The following PACS2 variants were observed in gnomAD, a reference collection of about 807,000 sequenced individuals.
The protein encoded by PACS2 is phosphofurin acidic cluster sorting protein 2.
A neutral mutation model predicts 113.0 loss-of-function variants in PACS2; 36 were observed. That is an observed-to-expected ratio of 0.32 (90% CI 0.24 to 0.42). PACS2 has a LOEUF of 0.42. Ranked by LOEUF, PACS2 falls within the 10% of genes least tolerant of loss-of-function variation. The probability of loss-of-function intolerance (pLI) is 1.00; values close to 1 mark genes in which losing one functional copy is unlikely to be tolerated. For missense variants in PACS2, 1,015 were observed against 1,239.5 expected (o/e 0.82, Z 2.72); for synonymous variants, 589 against 536.1 (o/e 1.10, Z -1.36).
In PACS2 at chr14:105,324,709, G is replaced by A. The variant is rs934909251; in HGVS notation, c.119+9672G>A. Among the ~76,000 whole-genome samples the A allele has an allele frequency of 6.6e-6, 1 of 151,704 alleles. No homozygotes were observed. The highest frequency in any genetic ancestry group is 6.6e-5 in the Admixed American group (1 of 15,264). ...TCGAGGGCTCCGGCCTGTGGAGGCC[G>A]GTGGCGCCCCGTCTCACCCCACGGA... On this transcript the variant is annotated intron_variant, in intron 1 of 24. Coordinates refer to ENST00000447393, the MANE Select transcript of PACS2 (RefSeq NM_001100913.3). This position sits in a 1 kb window ranked among gnomAD's most constrained non-coding sequence, Gnocchi z 4.7.
At position 105,372,434 on chromosome 14, in the gene PACS2, G is replaced by A. The variant is rs953070635; in HGVS notation, c.801+2534G>A. On this transcript the variant is annotated intron_variant, in intron 8 of 24. Coordinates refer to ENST00000447393, the MANE Select transcript of PACS2 (RefSeq NM_001100913.3). ...GCTTGACTGGATCATATTCCTAAAT[G>A]TAAAAGCCTAAAATTTAAATTACCT... is the stretch of plus-strand genomic sequence containing the variant. The A allele has an allele frequency of 6.6e-5, 10 of 152,182 alleles. 1 individual carries two copies. The highest frequency in any genetic ancestry group is 3.3e-4 in the Admixed American group (5 of 15,284). 9.4% of individuals were successfully genotyped at this position (152,182 alleles called of 1,614,324 possible).
At chr14:105,379,321 A>G (rs2080898433) in intron 9 of PACS2, among the ~76,000 whole-genome samples, 1 of 152,202 alleles carries the variant, frequency 6.6e-6, no homozygotes, top group South Asian at 2.1e-4. Context: ...TTTGTCGAGC[A>G]TGTTCACCTG....
chr14:105,376,642 A>T lies in PACS2; in HGVS notation c.802-126A>T. ...CAGAAGCTGGACTACAGCCGTGCTG[A>T]GTGGAGGGGTTTGGTGGCTGGGTGC... On this transcript the variant is annotated intron_variant, in intron 8 of 24. Transcript: ENST00000447393. The surrounding 1 kb of genome is among the most constrained non-coding windows in gnomAD (Gnocchi z 4.7). The T allele has an allele frequency of 1.3e-6, 1 of 771,140 alleles. No individual in the cohort carries two copies. Among genetic ancestry groups the T allele is most frequent in the Non-Finnish European group, 2.1e-6 (1 of 479,440 alleles). The allele number at this position is 771,140 out of a possible 1,614,324, so 47.8% of individuals were successfully genotyped here.
chr14:105,307,841 G>A (rs780803910), intron 1 of PACS2, among the ~76,000 whole-genome samples: 1 of 152,208 alleles, frequency 6.6e-6, no homozygotes, highest in Non-Finnish European at 1.5e-5. Flanking sequence ...TCTGTTCTCC[G>A]CAACTCGAGT....
At chr14:105,311,242 C>T (rs1385344768), upstream of PACS2, among the ~76,000 whole-genome samples, 3 of 152,064 alleles carry the variant, frequency 2.0e-5, no homozygotes, top group African/African-American at 4.8e-5. Context: ...GCATGAGCCA[C>T]TGTGCCCGGC....
At position 105,365,303 on chromosome 14, in the gene PACS2, A is replaced by G. The variant is rs1431898216; in HGVS notation, c.424-1910A>G. ...CCTTGGCAGGAGGACGCACGCCCCA[A>G]GGAGCACTGTCAGGAGGAGAGGAAC... is the stretch of plus-strand genomic sequence containing the variant. On this transcript the variant is annotated intron_variant, in intron 4 of 24. Coordinates refer to ENST00000447393, the MANE Select transcript of PACS2 (RefSeq NM_001100913.3). This position sits in a 1 kb window ranked among gnomAD's most constrained non-coding sequence, Gnocchi z 5.1. Among the ~76,000 whole-genome samples the G allele has an allele frequency of 1.3e-5, 2 of 152,212 alleles. No homozygotes were observed. The highest frequency in any genetic ancestry group is 1.3e-4 in the Admixed American group (2 of 15,290).
rs1555412233 is a variant in PACS2, at chr14:105,382,108, C to T, written c.1413+50C>T. On this transcript the variant is annotated intron_variant, in intron 13 of 24. Coordinates refer to ENST00000447393, the MANE Select transcript of PACS2 (RefSeq NM_001100913.3). ...CCAGGAGGCAGGGCTCGTGGTCACCCTGGCACCAACCAGAGCAGGGCAAAA... is the reference window on the plus strand; with the variant it reads ...CCAGGAGGCAGGGCTCGTGGTCACCTTGGCACCAACCAGAGCAGGGCAAAA... 5.3e-6 allele frequency: 8 copies of T among 1,515,948 alleles called. No individual in the cohort carries two copies. The East Asian group carries it at 2.0e-4, about 37-fold the overall frequency. The allele number at this position is 1,515,948 out of a possible 1,614,324, so 93.9% of individuals were successfully genotyped here.
chr14:105,391,616 G>T lies in PACS2; in HGVS notation c.2120-15G>T. On this transcript the variant is annotated splice_polypyrimidine_tract_variant and intron_variant, in intron 21 of 24. Transcript: ENST00000447393. ...AGCAGGTGGGCTCAGCCTGCCCTGT[G>T]ACTCCTCCCCAAAGGCGACTCGGAC... 6.2e-7 allele frequency: 1 copy of T among 1,606,168 alleles called. No individual in the cohort carries two copies.
chr14:105,311,086 G>A (rs1002709302), upstream of PACS2, among the ~76,000 whole-genome samples: 1 of 152,068 alleles, frequency 6.6e-6, no homozygotes, highest in Non-Finnish European at 1.5e-5. Context: ...CCGAGTAGCT[G>A]GGATTACAGG....
Position 105,303,165 on chromosome 14 carries a change from G to A in PACS2, c.-83+2186G>A, listed in dbSNP as rs150615090. ...GCTGGTCCCAAACTCCTGACCTCAA[G>A]TGATCCACCTGTCTTGGTCTCCCAA... On this transcript the variant is annotated intron_variant, in intron 1 of 23. Transcript: ENST00000430725. Among the ~76,000 whole-genome samples, 503 of 152,290 alleles carry A rather than the reference G, an allele frequency of 3.3e-3. 3 individuals carry two copies. The highest frequency in any genetic ancestry group is 0.015 in the East Asian group (76 of 5,190).
intron 1 of PACS2, among the ~76,000 whole-genome samples, chr14:105,320,544 T>C (rs1028797860): frequency 6.6e-6 from 1 of 152,156 alleles, no homozygotes; most frequent in Non-Finnish European, 1.5e-5. Flanking sequence ...GGTCTCACTA[T>C]GTTGCTCAGG....
At chr14:105,321,940 T>A (rs1308820289) in intron 1 of PACS2, among the ~76,000 whole-genome samples, 1 of 152,036 alleles carries the variant, frequency 6.6e-6, no homozygotes, top group Non-Finnish European at 1.5e-5. Context: ...TCTGACCTTT[T>A]CTGACTTTTT....
Position 105,319,795 on chromosome 14 carries a change from C to G in PACS2, c.119+4758C>G, listed in dbSNP as rs375930985. ...GTTTTACCTTTAAGGACGATGTTTG[C>G]TGCAACTTTTTGTGGATAGCCTTTA... On this transcript the variant is annotated intron_variant, in intron 1 of 24. Transcript: ENST00000447393. Among the ~76,000 whole-genome samples the G allele has an allele frequency of 1.3e-3, 193 of 152,278 alleles. 1 individual carries two copies. The highest frequency in any genetic ancestry group is 0.011 in the South Asian group (55 of 4,824).
chr14:105,327,493 C>G (rs587737061), intron 1 of PACS2, among the ~76,000 whole-genome samples: 1 of 152,266 alleles, frequency 6.6e-6, no homozygotes, highest in Admixed American at 6.5e-5. Flanking sequence ...TGCCGTGGTC[C>G]TGTCAAATGG....
rs917488915 is a variant in PACS2 at position 105,366,303 on chromosome 14, G to A, written c.424-910G>A. 2.6e-5 allele frequency among the ~76,000 whole-genome samples: 4 copies of A among 152,224 alleles called. No homozygotes were observed. Among genetic ancestry groups the A allele is most frequent in the Non-Finnish European group, 4.4e-5 (3 of 68,038 alleles). Reference sequence around the variant, plus strand: ...GCGGAGGTTGCAGTGAGCCAAGATCGCACCATTGCACACCAGCCTGGGCCA... The same window carrying A: ...GCGGAGGTTGCAGTGAGCCAAGATCACACCATTGCACACCAGCCTGGGCCA... On this transcript the variant is annotated intron_variant, in intron 4 of 24. Transcript: ENST00000447393. This position sits in a 1 kb window ranked among gnomAD's most constrained non-coding sequence, Gnocchi z 4.3.
chr14:105,390,298 C>T, intron 20 of PACS2: 2 of 466,374 alleles, frequency 4.3e-6, no homozygotes, highest in Non-Finnish European at 7.9e-6. Flanking sequence ...GGCCCCACGT[C>T]TCAGGAGAGG....
intron 1 of PACS2, among the ~76,000 whole-genome samples, chr14:105,335,393 T>G (rs1197323093): frequency 6.6e-6 from 1 of 151,710 alleles, no homozygotes; most frequent in East Asian, 1.9e-4. Context: ...GCTCTGACGC[T>G]GTGGCCGGCG....
chr14:105,307,791 C>T (rs1426445927), intron 1 of PACS2, among the ~76,000 whole-genome samples: 1 of 152,230 alleles, frequency 6.6e-6, no homozygotes, highest in Non-Finnish European at 1.5e-5. Flanking sequence ...GGACATGTGT[C>T]TGGTAGACAG....
chr14:105,390,151 C>T, intron 20 of PACS2, 148 bp downstream of exon 20: 1 of 776,762 alleles, frequency 1.3e-6, no homozygotes, highest in Non-Finnish European at 2.3e-6. Flanking sequence ...TGGCCTGTCT[C>T]AAAGCTCGCT....
Sources: allele counts gnomAD v4.1 joint callset (sites outside exome capture counted in the v4.1 genomes callset), GRCh38; gene constraint gnomAD v4.1.1; non-coding constraint Gnocchi (gnomAD v3.1); transcripts MANE v1.5; gene names NCBI Gene and HGNC (gene_info 2026-07-23, HGNC 2026-07-21).